Variants in THSD7B observed in about 807,000 individuals in gnomAD.
THSD7B encodes the protein thrombospondin type 1 domain containing 7B, also known as thrombospondin type-1 domain-containing protein 7B.
A neutral mutation model predicts 213.6 loss-of-function variants in THSD7B; 138 were observed. The ratio of observed to expected loss-of-function variants is 0.65; its 90% confidence interval spans 0.56 to 0.74. THSD7B has a LOEUF of 0.74. THSD7B is among the 30% of genes least tolerant of loss of function. The pLI, the probability that THSD7B is intolerant of heterozygous loss-of-function variation, is 0.00. For synonymous variants in THSD7B, 742 were observed against 687.0 expected (o/e 1.08, Z -1.25); for missense variants, 1,931 against 1,991.5 (o/e 0.97, Z 0.58).
At chr2:137,641,247 G>A (rs757224965) in intron 20 of THSD7B, among the ~76,000 whole-genome samples, 2 of 152,104 alleles carry the variant, frequency 1.3e-5, no homozygotes, top group Non-Finnish European at 2.9e-5. Context: ...CTTCTGTCAG[G>A]TCCTCAGATA....
chr2:136,990,902 C>T, intron 2 of THSD7B: 1 of 1,349,222 alleles, frequency 7.4e-7, no homozygotes, highest in South Asian at 1.2e-5. Context: ...ATGCATAACA[C>T]AGCAGATGAG....
intron 1 of THSD7B, among the ~76,000 whole-genome samples, chr2:136,776,087 T>C (rs1681597844): frequency 6.6e-6 from 1 of 152,100 alleles, no homozygotes; most frequent in Non-Finnish European, 1.5e-5. Context: ...TAAGGAATTT[T>C]CACAGAGTTT....
intron 5 of THSD7B, among the ~76,000 whole-genome samples, chr2:137,146,980 C>G (rs1573852314): frequency 6.6e-6 from 1 of 152,102 alleles, no homozygotes; most frequent in African/African-American, 2.4e-5. Flanking sequence ...CAAAATTATA[C>G]TCCATAAATT....
Position 137,094,904 on chromosome 2 carries a change from G to C in THSD7B, c.982G>C (p.Val328Leu). 6.2e-7 allele frequency: 1 copy of C among 1,613,482 alleles called. No individual in the cohort carries two copies. The highest frequency in any genetic ancestry group is 8.5e-7 in the Non-Finnish European group (1 of 1,179,760). Residue 328 changes from valine (V) to leucine (L), a missense_variant, in exon 4 of 28, where the codon GTT (valine) becomes CTT (leucine). By Grantham distance (32) the Val-to-Leu change is conservative (BLOSUM62 1). Coordinates refer to ENST00000409968, the MANE Select transcript of THSD7B (RefSeq NM_001316349.2). ...CCTTCAAGATTCCTTCCCATTGACT[G>C]TTCAGTCCTGCATCATGCCCAAAGA... ...LCLQDSFPLT[V>L]QSCIMPKDCE...
At chr2:137,255,702 G>A (rs1682290169) in intron 10 of THSD7B, among the ~76,000 whole-genome samples, 1 of 152,080 alleles carries the variant, frequency 6.6e-6, no homozygotes, top group Non-Finnish European at 1.5e-5. Flanking sequence ...TTGCCTGGGT[G>A]CCTTTCTAAA....
chr2:137,159,034 T>A (rs796652003), intron 5 of THSD7B, among the ~76,000 whole-genome samples: 13 of 152,268 alleles, frequency 8.5e-5, no homozygotes, highest in African/African-American at 3.1e-4. Flanking sequence ...CTTTAGAGTG[T>A]CATCTCCAAG....
chr2:137,613,236 C>A (rs1015773755), intron 17 of THSD7B, among the ~76,000 whole-genome samples: 1 of 152,094 alleles, frequency 6.6e-6, no homozygotes, highest in Admixed American at 6.6e-5. Flanking sequence ...GTCTCTCTTT[C>A]GTGAATTGCA....
At chr2:137,481,884 A>G (rs1455934402) in intron 15 of THSD7B, among the ~76,000 whole-genome samples, 15 of 152,218 alleles carry the variant, frequency 9.9e-5, no homozygotes, top group Non-Finnish European at 1.5e-4. Flanking sequence ...AACATTCTAC[A>G]AGAGTTTAGC....
At chr2:136,804,033 C>G (rs1036930951) in intron 1 of THSD7B, among the ~76,000 whole-genome samples, 1 of 152,062 alleles carries the variant, frequency 6.6e-6, no homozygotes, top group Non-Finnish European at 1.5e-5. Context: ...ACAGATACAC[C>G]CAGAAATAAT....
intron 2 of THSD7B, among the ~76,000 whole-genome samples, chr2:136,947,430 A>C (rs891994091): frequency 9.2e-5 from 14 of 152,226 alleles, no homozygotes; most frequent in African/African-American, 3.4e-4. Flanking sequence ...GTTATCTATA[A>C]TAATAACATA....
At chr2:137,596,789 G>A (rs1174762184) in intron 17 of THSD7B, among the ~76,000 whole-genome samples, 2 of 151,018 alleles carry the variant, frequency 1.3e-5, no homozygotes, top group African/African-American at 4.9e-5. Context: ...ATGTGGCTAT[G>A]TTCTGTGGTC....
intron 15 of THSD7B, among the ~76,000 whole-genome samples, chr2:137,534,997 T>G (rs1046721357): frequency 1.5e-5 from 2 of 130,468 alleles, no homozygotes; most frequent in African/African-American, 5.8e-5. Context: ...AAAATCCCTA[T>G]TTTTCTCCAT....
rs6146926 is a variant in THSD7B, at chr2:136,767,456, AGT to A, written c.-36+1792_-36+1793del. ...ATTGTTTTATTTTCTATCCCTGGGA[AGT>A]GTGTGTGTGTGTGTGTGTGTGTTGT... On this transcript the variant is annotated intron_variant, in intron 1 of 27. Transcript: ENST00000409968. Among the ~76,000 whole-genome samples the A allele has an allele frequency of 4.1e-4, 60 of 146,564 alleles. 1 individual carries two copies. Among genetic ancestry groups the A allele is most frequent in the South Asian group, 6.7e-4 (3 of 4,460 alleles).
At chr2:136,812,684 T>G (rs1400502416) in intron 1 of THSD7B, among the ~76,000 whole-genome samples, 1 of 152,194 alleles carries the variant, frequency 6.6e-6, no homozygotes, top group Non-Finnish European at 1.5e-5. Context: ...TGAGAAACTT[T>G]AAGCAATTTG....
intron 2 of THSD7B, among the ~76,000 whole-genome samples, chr2:137,024,540 CAG>C (rs1308813720): frequency 6.6e-6 from 1 of 152,106 alleles, no homozygotes; most frequent in Non-Finnish European, 1.5e-5. Context: ...AGAGGAGAAA[CAG>C]AGTGTGATAT....
intron 15 of THSD7B, among the ~76,000 whole-genome samples, chr2:137,544,753 T>C (rs546051339): frequency 6.6e-6 from 1 of 151,976 alleles, no homozygotes; most frequent in African/African-American, 2.4e-5. Context: ...GTTAATGGCT[T>C]AATTTTAATT....
intron 7 of THSD7B, 113 bp downstream of exon 7, chr2:137,171,051 T>C (rs1254355958): frequency 1.7e-6 from 2 of 1,164,462 alleles, no homozygotes; most frequent in Non-Finnish European, 2.4e-6. Flanking sequence ...GCCTTTCTTA[T>C]CCTTGAATAT....
chr2:136,892,916 T>C (rs567424400), intron 2 of THSD7B, among the ~76,000 whole-genome samples: 1 of 152,298 alleles, frequency 6.6e-6, no homozygotes, highest in African/African-American at 2.4e-5. Context: ...AGCTCCTACA[T>C]TTATCTGCCT....
chr2:137,436,822 T>C (rs1214725602), intron 14 of THSD7B, among the ~76,000 whole-genome samples: 1 of 152,204 alleles, frequency 6.6e-6, no homozygotes, highest in African/African-American at 2.4e-5. Context: ...TCCAATTCTT[T>C]TCTCGTTTTG....
Sources: gnomAD v4.1 joint callset for allele counts (sites outside exome capture counted in the v4.1 genomes callset) on GRCh38, gnomAD v4.1.1 for gene constraint, MANE v1.5 for transcripts, NCBI Gene and HGNC (gene_info 2026-07-23, HGNC 2026-07-21) for gene names.